The following PATJ variants were observed in gnomAD, a reference collection of about 807,000 sequenced individuals.
PATJ encodes the protein inaD-like protein.
In PATJ, 190 loss-of-function variants were observed where a neutral mutation model predicts 224.9. The ratio of observed to expected loss-of-function variants is 0.84; its 90% CI spans 0.75 to 0.95. PATJ has a LOEUF of 0.95. Ranked by LOEUF, PATJ falls within the 40% of genes least tolerant of loss-of-function variation. The pLI, the probability that PATJ is intolerant of heterozygous loss-of-function variation, is 0.00. For synonymous variants in PATJ, 769 were observed against 820.3 expected (o/e 0.94, Z 1.07); for missense variants, 2,121 against 2,270.3 (o/e 0.93, Z 1.34).
intron 30 of PATJ, among the ~76,000 whole-genome samples, chr1:62,045,586 T>G (rs1652386046): frequency 6.6e-6 from 1 of 152,186 alleles, no homozygotes. Context: ...ATCCACTGAC[T>G]GTGATCTCAT....
intron 27 of PATJ, among the ~76,000 whole-genome samples, chr1:61,960,521 G>A (rs1204675283): frequency 2.6e-5 from 4 of 152,020 alleles, no homozygotes; most frequent in Non-Finnish European, 1.5e-5. Flanking sequence ...AAATTAGCCA[G>A]GTATGGTGGT....
At chr1:61,894,275 A>G (rs1409587130) in intron 22 of PATJ, among the ~76,000 whole-genome samples, 1 of 150,496 alleles carries the variant, frequency 6.6e-6, no homozygotes, top group South Asian at 2.1e-4. Flanking sequence ...AAAAACACAA[A>G]AAAAAAACAG....
chr1:61,868,757 C>A (rs1340363931), intron 20 of PATJ, among the ~76,000 whole-genome samples: 1 of 151,942 alleles, frequency 6.6e-6, no homozygotes, highest in Non-Finnish European at 1.5e-5. Flanking sequence ...CCACTGCACT[C>A]CAGCCTGGGC....
chr1:61,871,553 ATATATTTTTT>A (rs1305358923), intron 20 of PATJ, among the ~76,000 whole-genome samples: 2,071 of 25,136 alleles, frequency 0.082, 33 homozygotes, highest in Non-Finnish European at 0.13. Context: ...ATATATATAT[ATATATTTTTT>A]TTTTTTTTTT....
chr1:62,094,558 AACACACACACACAC>A lies in PATJ; in HGVS notation c.4377+9948_4377+9961del, dbSNP rs58104906. Among the ~76,000 whole-genome samples, 189 of 132,538 alleles carry A rather than the reference AACACACACACACAC, an allele frequency of 1.4e-3. 2 individuals are homozygous for A. Among genetic ancestry groups the A allele is most frequent in the African/African-American group, 4.1e-3 (143 of 35,120 alleles). 87.0% of individuals were successfully genotyped at this position (132,538 alleles called of 152,430 possible). On this transcript the variant is annotated intron_variant, in intron 33 of 43. Coordinates refer to ENST00000642238, the MANE Select transcript of PATJ (RefSeq NM_001350145.3). Reference sequence around the variant, plus strand: ...CTGAACCTAACCTAGATTCTGTCTCAACACACACACACACACACACACACACACACACACACACA... The same window carrying A: ...CTGAACCTAACCTAGATTCTGTCTCAACACACACACACACACACACACACA...
chr1:62,153,407 G>A lies in PATJ; in HGVS notation c.5428G>A (p.Gly1810Arg). 1 of 1,231,664 alleles carries A rather than the reference G, an allele frequency of 8.1e-7. No homozygotes were observed. The highest frequency in any genetic ancestry group is 1.0e-6 in the Non-Finnish European group (1 of 987,584). The allele number at this position is 1,231,664 out of a possible 1,614,324, so 76.3% of individuals were successfully genotyped here. Residue 1810 changes from glycine to arginine, a missense_variant, in exon 43 of 44, where the codon GGG becomes AGG. Physicochemically the swap from Gly to Arg is moderately radical, Grantham distance 125. Coordinates refer to ENST00000642238, the MANE Select transcript of PATJ (RefSeq NM_001350145.3). ...ITLEKGSEGL[G>R]FSIVGGYGSP... Reference sequence around the variant, plus strand: ...TTTGGAGAAAGGCTCTGAAGGCTTGGGGTTTAGTATTGTAGGGGGTTATGG... The same window carrying A: ...TTTGGAGAAAGGCTCTGAAGGCTTGAGGTTTAGTATTGTAGGGGGTTATGG...
intron 22 of PATJ, among the ~76,000 whole-genome samples, chr1:61,896,266 ATC>A (rs1670349801): frequency 6.7e-6 from 1 of 149,270 alleles, no homozygotes; most frequent in African/African-American, 2.5e-5. Context: ...ACTGCACTCC[ATC>A]CTGGGCGACA....
At chr1:61,873,449 A>T (rs1666926037) in intron 20 of PATJ, among the ~76,000 whole-genome samples, 1 of 152,232 alleles carries the variant, frequency 6.6e-6, no homozygotes, top group African/African-American at 2.4e-5. Context: ...GATTATAGGC[A>T]TGAGCCACTG....
At chr1:61,907,603 C>T (rs975738507) in intron 24 of PATJ, among the ~76,000 whole-genome samples, 1 of 152,114 alleles carries the variant, frequency 6.6e-6, no homozygotes, top group African/African-American at 2.4e-5. Flanking sequence ...CATCCCTTTC[C>T]ACCCACATTC....
intron 7 of PATJ, among the ~76,000 whole-genome samples, chr1:61,775,638 T>C (rs2148401007): frequency 6.6e-6 from 1 of 152,348 alleles, no homozygotes; most frequent in South Asian, 2.1e-4. Context: ...AACATCTGTA[T>C]TATTCTCCTC....
At chr1:62,097,553 C>A (rs1359238802) in intron 33 of PATJ, among the ~76,000 whole-genome samples, 1 of 152,124 alleles carries the variant, frequency 6.6e-6, no homozygotes, top group Non-Finnish European at 1.5e-5. Context: ...AGAGGCCCAG[C>A]CATTCTAGCT....
chr1:62,108,653 CT>C (rs1278625915), intron 34 of PATJ, 133 bp downstream of exon 34: 11 of 504,824 alleles, frequency 2.2e-5, no homozygotes, highest in African/African-American at 3.8e-5. Flanking sequence ...TTATCATATT[CT>C]TTTTTTCTTC....
intron 6 of PATJ, among the ~76,000 whole-genome samples, chr1:61,773,784 A>AAAAAAAC (rs919337218): frequency 6.6e-6 from 1 of 151,188 alleles, no homozygotes; most frequent in Admixed American, 6.6e-5. Context: ...ACTCTGTCTC[A>AAAAAAAC]AAAAAACAAA....
At chr1:62,025,891 C>T (rs1450741557) in intron 29 of PATJ, among the ~76,000 whole-genome samples, 1 of 152,182 alleles carries the variant, frequency 6.6e-6, no homozygotes, top group Non-Finnish European at 1.5e-5. Flanking sequence ...CCATTCCATC[C>T]AGTCCTAAGT....
chr1:61,842,904 G>A (rs374453142), intron 17 of PATJ, among the ~76,000 whole-genome samples: 1 of 152,162 alleles, frequency 6.6e-6, no homozygotes, highest in African/African-American at 2.4e-5. Context: ...AAGAACCATG[G>A]TAGTAGATAA....
At chr1:61,786,842 C>T (rs560537981) in intron 7 of PATJ, among the ~76,000 whole-genome samples, 34 of 152,034 alleles carry the variant, frequency 2.2e-4, no homozygotes, top group Non-Finnish European at 4.1e-4. Flanking sequence ...AAAAATTAGC[C>T]GAGCGTGGTG....
At chr1:61,827,164 G>A (rs777062230) in intron 15 of PATJ, among the ~76,000 whole-genome samples, 14 of 152,042 alleles carry the variant, frequency 9.2e-5, no homozygotes, top group Non-Finnish European at 1.6e-4. Flanking sequence ...CAGTAAGGGC[G>A]TATGCTGCAT....
intron 17 of PATJ, among the ~76,000 whole-genome samples, chr1:61,840,273 C>T (rs1164698967): frequency 2.0e-5 from 3 of 151,832 alleles, no homozygotes; most frequent in East Asian, 3.9e-4. Context: ...TTACCCTATG[C>T]ACAACAGAAT....
In PATJ at chr1:61,766,350, T is replaced by TTA; in HGVS notation, c.261_262insTA (p.Gly88Ter). Reference sequence around the variant, plus strand: ...GGAAAGGTTTGTTAGTGTTCACAGATGGTTCCATCACTAATGGAAATGTCC... The same window carrying TTA: ...GGAAAGGTTTGTTAGTGTTCACAGATTAGGTTCCATCACTAATGGAAATGTCC... On this transcript the variant is annotated frameshift_variant, in exon 4 of 44. Coordinates refer to ENST00000642238, the MANE Select transcript of PATJ (RefSeq NM_001350145.3). LOFTEE classifies it high-confidence loss of function. The TTA allele has an allele frequency of 6.2e-7, 1 of 1,610,228 alleles. No individual in the cohort carries two copies. The highest frequency in any genetic ancestry group is 8.5e-7 in the Non-Finnish European group (1 of 1,177,066).
Sources: allele counts gnomAD v4.1 joint callset (sites outside exome capture counted in the v4.1 genomes callset), GRCh38; gene constraint gnomAD v4.1.1; transcripts MANE v1.5; gene names NCBI Gene and HGNC (gene_info 2026-07-23, HGNC 2026-07-21).